Variants in SEMA4C observed in about 807,000 individuals in gnomAD.
SEMA4C encodes semaphorin 4C.
A neutral mutation model predicts 89.0 loss-of-function variants in SEMA4C; 19 were observed. The ratio of observed to expected loss-of-function variants is 0.21; its 90% CI spans 0.15 to 0.31. The LOEUF (loss-of-function observed/expected upper bound fraction) is 0.31, where lower values mean the gene tolerates loss of function less well. Among genes scored for constraint, SEMA4C ranks in the 10% least tolerant of loss-of-function variants. The probability of loss-of-function intolerance (pLI) is 1.00; values close to 1 mark genes in which losing one functional copy is unlikely to be tolerated. For synonymous variants in SEMA4C, 428 were observed against 472.7 expected, an observed-to-expected ratio of 0.91 and a Z score of 1.23; for missense variants, 811 against 1,107.0, an observed-to-expected ratio of 0.73 and a Z score of 3.79.
At position 96,861,336 on chromosome 2, in the gene SEMA4C, C is replaced by T. The variant is rs140700361; in HGVS notation, c.1792G>A (p.Glu598Lys). The part of the protein sequence containing the change: ...WTFGGRDLPA[E>K]QPGSFLYDAR... ...TCGTAGAGGAAGGACCCGGGCTGTT[C>T]CGCAGGCAGGTCCCGGCCCCCAAAG... Residue 598 changes from glutamate to lysine, a missense_variant, in exon 15 of 15, where the codon GAA becomes AAA. Physicochemically the swap from Glu to Lys is moderately conservative, Grantham distance 56. Around this residue, in one of 4 missense-constraint regions of SEMA4C, gnomAD observed 441 missense variants for 664.9 expected, o/e 0.66. Transcript: ENST00000305476. The surrounding 1 kb of genome is among the most constrained non-coding windows in gnomAD (Gnocchi z 7.8). 497 of 1,607,250 alleles carry T rather than the reference C, an allele frequency of 3.1e-4. 6 individuals carry two copies. The South Asian group carries it at 3.5e-3, about 11-fold the overall frequency.
At position 96,860,669 on chromosome 2, in the gene SEMA4C, C is replaced by T. The variant is rs747769961; in HGVS notation, c.2459G>A (p.Arg820His). 4 of 1,612,050 alleles carry T rather than the reference C, an allele frequency of 2.5e-6. No individual in the cohort carries two copies. In the Admixed American group the frequency reaches 5.0e-5, roughly 20 times the overall value. The part of the protein sequence containing the change: ...ADELRRKLQQ[R>H]QPLPDSNPEE... ...GGGGTTGGAGTCGGGCAGTGGCTGG[C>T]GTTGCTGCAGTTTGCGTCTCAGTTC... Residue 820 changes from arginine to histidine, a missense_variant, in exon 15 of 15, where the codon CGC becomes CAC. Arg to His is a conservative substitution (Grantham distance 29, BLOSUM62 0). This residue lies in a region of SEMA4C where 248 missense variants were observed against 269.0 expected (regional missense o/e 0.92). Coordinates refer to ENST00000305476, the MANE Select transcript of SEMA4C (RefSeq NM_017789.5).
At chr2:96,870,545 T>C, upstream of SEMA4C, 4 of 985,084 alleles carry the variant, frequency 4.1e-6, no homozygotes, top group Non-Finnish European at 4.8e-6. Flanking sequence ...ACCAGAGGGG[T>C]CTGCCGTTTG....
Position 96,866,429 on chromosome 2 carries a change from G to C in SEMA4C, c.112C>G (p.Leu38Val). The change falls in exon 3 of 15, where the codon CTG (leucine) becomes GTG (valine). Residue 38 changes from leucine to valine, a missense_variant and splice_region_variant. By Grantham distance (32) the Leu-to-Val change is conservative (BLOSUM62 1). This residue lies in a region of SEMA4C where 119 missense variants were observed against 152.7 expected (regional missense o/e 0.78). Transcript: ENST00000305476. ...VPRKTVSSGE[L>V]ATVVRRFSQT... ...GAGAACCGCCGTACTACCGTGGCCAGCTCTGCAGGGGTAAGCATGGCTGCT... is the reference window on the plus strand; with the variant it reads ...GAGAACCGCCGTACTACCGTGGCCACCTCTGCAGGGGTAAGCATGGCTGCT... 2 of 1,613,978 alleles carry C rather than the reference G, an allele frequency of 1.2e-6. No homozygotes were observed. The highest frequency in any genetic ancestry group is 1.6e-4 in the Middle Eastern group (1 of 6,062).
At chr2:96,862,028 C>A (rs920547743) in intron 12 of SEMA4C, 134 bp from the exon 13 acceptor site, 29 of 932,452 alleles carry the variant, frequency 3.1e-5, no homozygotes, top group Non-Finnish European at 4.6e-5. Flanking sequence ...GAAGGAGGAA[C>A]AAGGGAACAA....
rs1332544045 is a variant in SEMA4C at position 96,861,930 on chromosome 2, C to T, written c.1444-36G>A. 3 of 1,572,276 alleles carry T rather than the reference C, an allele frequency of 1.9e-6. No individual in the cohort carries two copies. In the Admixed American group the frequency reaches 5.6e-5, roughly 29 times the overall value. On this transcript the variant is annotated intron_variant, in intron 12 of 14. Coordinates refer to ENST00000305476, the MANE Select transcript of SEMA4C (RefSeq NM_017789.5). This position sits in a 1 kb window ranked among gnomAD's most constrained non-coding sequence, Gnocchi z 7.8. ...AGCGGGGCGCAGGAGGGGGGTCGGC[C>T]AGGGCCACACCACGGGAGGGGCGGC...
chr2:96,869,132 G>A (rs1244554144), intron 1 of SEMA4C: 1 of 985,332 alleles, frequency 1.0e-6, no homozygotes, highest in Non-Finnish European at 1.2e-6. Context: ...GAGAGCGGGG[G>A]CTGCGCCCCA....
At position 96,861,107 on chromosome 2, in the gene SEMA4C, G is replaced by T; in HGVS notation, c.2021C>A (p.Ala674Asp). ...LVWLAVVALG[A>D]VCLVLLLLVL... ...CAGCAGCAGCAGCACCAGGCACACA[G>T]CCCCCAGGGCCACCACCGCCAGCCA... The change falls in exon 15 of 15, where the codon GCT becomes GAT. Residue 674 changes from alanine to aspartate, a missense_variant. Around this residue, in one of 4 missense-constraint regions of SEMA4C, gnomAD observed 248 missense variants for 269.0 expected, o/e 0.92. Transcript: ENST00000305476. This position sits in a 1 kb window ranked among gnomAD's most constrained non-coding sequence, Gnocchi z 7.8. The T allele has an allele frequency of 6.2e-7, 1 of 1,611,772 alleles. No homozygotes were observed. Among genetic ancestry groups the T allele is most frequent in the Non-Finnish European group, 8.5e-7 (1 of 1,179,734 alleles).
Position 96,864,830 on chromosome 2 carries a change from C to T in SEMA4C, c.837G>A (p.Leu279=). The T allele has an allele frequency of 1.2e-6, 2 of 1,613,876 alleles. No homozygotes were observed. The highest frequency in any genetic ancestry group is 8.5e-7 in the Non-Finnish European group (1 of 1,180,006). ...GGGCAGAGCATGCCAGCCGCGCCTT[C>T]AGGAACGTGGTCCACTTCCTCTGCA... ...RTLQRKWTTF[L]KARLACSAPN... The change falls in exon 9 of 15, where the codon CTG becomes CTA. Residue 279 remains leucine, a synonymous_variant. Transcript: ENST00000305476. The surrounding 1 kb of genome is among the most constrained non-coding windows in gnomAD (Gnocchi z 6.3).
Position 96,869,969 on chromosome 2 carries a change from C to G in SEMA4C, c.-131G>C. The G allele has an allele frequency of 1.0e-6, 1 of 986,776 alleles. No homozygotes were observed. Among genetic ancestry groups the G allele is most frequent in the Non-Finnish European group, 1.2e-6 (1 of 830,634 alleles). The allele number at this position is 986,776 out of a possible 1,614,324, so 61.1% of individuals were successfully genotyped here. On this transcript the variant is annotated 5_prime_UTR_variant, in exon 1 of 15. Coordinates refer to ENST00000305476, the MANE Select transcript of SEMA4C (RefSeq NM_017789.5). ...CCCCGCGTCGCCGCCTGCCCGCGCTCGCCCGCCAGCCCTCCGCGGCCTCTC... is the reference window on the plus strand; with the variant it reads ...CCCCGCGTCGCCGCCTGCCCGCGCTGGCCCGCCAGCCCTCCGCGGCCTCTC...
At chr2:96,867,287 T>A (rs2080097160) in intron 2 of SEMA4C, among the ~76,000 whole-genome samples, 2 of 152,120 alleles carry the variant, frequency 1.3e-5, no homozygotes, top group African/African-American at 4.8e-5. Context: ...TACAAACACC[T>A]GACATCACCT....
chr2:96,863,588 C>T, intron 12 of SEMA4C, 94 bp downstream of exon 12: 1 of 1,367,750 alleles, frequency 7.3e-7, no homozygotes, highest in Admixed American at 1.8e-5. Flanking sequence ...CTGCACTGGC[C>T]AAGCACATAG....
At chr2:96,862,031 G>A (rs1384238991) in intron 12 of SEMA4C, 137 bp from the exon 13 acceptor site, 6 of 934,956 alleles carry the variant, frequency 6.4e-6, no homozygotes, top group Non-Finnish European at 9.5e-6. Flanking sequence ...GGAGGAACAA[G>A]GGAACAAGGC....
chr2:96,864,052 C>T lies in SEMA4C; in HGVS notation c.1204G>A (p.Glu402Lys). 6.2e-7 allele frequency: 1 copy of T among 1,613,376 alleles called. No individual in the cohort carries two copies. Among genetic ancestry groups the T allele is most frequent in the Non-Finnish European group, 8.5e-7 (1 of 1,180,022 alleles). ...NFVKKHPLME[E>K]QVGPRWSRPL... ...CGGCTCCACCGAGGCCCCACCTGCT[C>T]CTCCATCAGCGGGTGCTTCTTGACG... Residue 402 changes from glutamate (E) to lysine (K), a missense_variant, in exon 11 of 15, where the codon GAG becomes AAG. Physicochemically the swap from Glu to Lys is moderately conservative, Grantham distance 56. Transcript: ENST00000305476. The surrounding 1 kb of genome is among the most constrained non-coding windows in gnomAD (Gnocchi z 6.3).
chr2:96,867,030 G>A (rs760664731), intron 2 of SEMA4C: 11 of 210,182 alleles, frequency 5.2e-5, no homozygotes, highest in Non-Finnish European at 9.8e-5. Context: ...CGGAGATGGG[G>A]CTGGGGCCTG....
At chr2:96,865,641 A>C in intron 5 of SEMA4C, 25 bp downstream of exon 5, 1 of 1,610,146 alleles carries the variant, frequency 6.2e-7, no homozygotes, top group East Asian at 2.2e-5. Flanking sequence ...GGCTGGGGAC[A>C]CCGAGGTAGG....
chr2:96,863,901 C>T, intron 11 of SEMA4C, 25 bp downstream of exon 11: 1 of 1,599,002 alleles, frequency 6.3e-7, no homozygotes, highest in Non-Finnish European at 8.5e-7. Context: ...CTTGAGCAGC[C>T]ATGCCTGCAT....
rs148034324 is a variant in SEMA4C at position 96,864,735 on chromosome 2, G to A, written c.932C>T (p.Thr311Ile). Residue 311 changes from threonine to isoleucine, a missense_variant, in exon 9 of 15, where the codon ACC (threonine) becomes ATC (isoleucine). Coordinates refer to ENST00000305476, the MANE Select transcript of SEMA4C (RefSeq NM_017789.5). This position sits in a 1 kb window ranked among gnomAD's most constrained non-coding sequence, Gnocchi z 6.3. ...TGCTTGAAAAACCCCAAAGAAGGTG[G>A]TGTTGTGCCAGGAGGTGTCCTGCAG... ...HTLQDTSWHN[T>I]TFFGVFQAQW... is the part of the protein sequence containing the mutation. 6 of 1,612,694 alleles carry A rather than the reference G, an allele frequency of 3.7e-6. No individual in the cohort carries two copies. In the South Asian group the frequency reaches 6.6e-5, roughly 18 times the overall value.
In SEMA4C at chr2:96,866,366, T is replaced by G; in HGVS notation, c.175A>C (p.Thr59Pro). The G allele has an allele frequency of 6.2e-7, 1 of 1,613,910 alleles. No individual in the cohort carries two copies. Among genetic ancestry groups the G allele is most frequent in the South Asian group, 1.1e-5 (1 of 91,092 alleles). ...GIQDFLTLTL[T>P]EPTGLLYVGA... is the part of the protein sequence containing the mutation. ...ACGTACAGAAGCCCAGTGGGCTCCG[T>G]CAGCGTCAGTGTCAGGAAGTCCTGG... The change falls in exon 3 of 15, where the codon ACG becomes CCG. Residue 59 changes from threonine to proline, a missense_variant. Physicochemically the swap from Thr to Pro is conservative, Grantham distance 38. Coordinates refer to ENST00000305476, the MANE Select transcript of SEMA4C (RefSeq NM_017789.5).
chr2:96,868,085 C>G (rs2080122060), intron 1 of SEMA4C, among the ~76,000 whole-genome samples, 162 bp from the exon 2 acceptor site: 1 of 152,258 alleles, frequency 6.6e-6, no homozygotes, highest in Non-Finnish European at 1.5e-5. Flanking sequence ...CACACTTGGC[C>G]TCTGCCTAAA....
Sources: gnomAD v4.1 joint callset for allele counts (sites outside exome capture counted in the v4.1 genomes callset) on GRCh38, gnomAD v4.1.1 for gene constraint, gnomAD v4.1.1 regional missense constraint, Gnocchi (gnomAD v3.1) non-coding constraint, MANE v1.5 for transcripts, NCBI Gene and HGNC (gene_info 2026-07-23, HGNC 2026-07-21) for gene names.